CPEB4: variants seen among roughly 807,000 people sequenced by gnomAD.
CPEB4 encodes the protein cytoplasmic polyadenylation element binding protein 4, also known as cytoplasmic polyadenylation element-binding protein 4.
Under a neutral mutation model 72.5 loss-of-function variants are expected in CPEB4, and 12 were observed. The observed-to-expected ratio is 0.17, with a 90% CI of 0.11 to 0.27. The LOEUF is 0.27. Among genes scored for constraint, CPEB4 ranks in the 10% least tolerant of loss-of-function variants. The pLI is 1.00. For synonymous variants in CPEB4, 302 were observed against 326.3 expected (o/e 0.93, Z 0.80); for missense variants, 614 against 908.5 (o/e 0.68, Z 4.17).
intron 3 of CPEB4, among the ~76,000 whole-genome samples, chr5:173,941,988 T>C (rs1193756901): frequency 6.6e-6 from 1 of 152,252 alleles, no homozygotes; most frequent in Non-Finnish European, 1.5e-5. Context: ...GCAGCACCCC[T>C]GCGTGTAACG....
rs1171501624 is a variant in CPEB4 at position 173,955,309 on chromosome 5, G to T, written c.1963-601G>T. Among the ~76,000 whole-genome samples the T allele has an allele frequency of 2.6e-5, 4 of 151,688 alleles. No homozygotes were observed. In the East Asian group the frequency reaches 7.7e-4, roughly 29 times the overall value. Reference sequence around the variant, plus strand: ...TCTTACTGAGAAAGAACAAAGCAGGGTTTTAGACTGTGAATCCTATGGCTG... The same window carrying T: ...TCTTACTGAGAAAGAACAAAGCAGGTTTTTAGACTGTGAATCCTATGGCTG... On this transcript the variant is annotated intron_variant, in intron 9 of 9. Transcript: ENST00000265085. This position sits in a 1 kb window ranked among gnomAD's most constrained non-coding sequence, Gnocchi z 4.7.
chr5:173,930,459 A>G (rs1757406356), intron 2 of CPEB4, among the ~76,000 whole-genome samples: 1 of 152,204 alleles, frequency 6.6e-6, no homozygotes, highest in African/African-American at 2.4e-5. Context: ...TCCAGGCTTT[A>G]GTTAAAAAGT....
rs1755748701 is a variant in CPEB4 at position 173,890,044 on chromosome 5, C to G, written c.311C>G (p.Ala104Gly). The change falls in exon 1 of 10, where the codon GCT becomes GGT. Residue 104 changes from alanine to glycine, a missense_variant. This residue lies in a region of CPEB4 where 458 missense variants were observed against 548.6 expected (regional missense o/e 0.83). Coordinates refer to ENST00000265085, the MANE Select transcript of CPEB4 (RefSeq NM_030627.4). Reference protein sequence around the residue: ...QQLSPSPGQEAGILPETEKAK... With the variant: ...QQLSPSPGQEGGILPETEKAK... ...CTTTCCCCAAGTCCAGGTCAGGAAG[C>G]TGGAATACTGCCTGAAACAGAGAAG... 1 of 1,613,996 alleles carries G rather than the reference C, an allele frequency of 6.2e-7. No homozygotes were observed. Among genetic ancestry groups the G allele is most frequent in the Admixed American group, 1.7e-5 (1 of 59,988 alleles).
intron 1 of CPEB4, among the ~76,000 whole-genome samples, chr5:173,898,599 AAGTC>A (rs1394963882): frequency 1.3e-5 from 2 of 152,266 alleles, no homozygotes; most frequent in South Asian, 2.1e-4. Context: ...CAGAAATATT[AAGTC>A]AAAGTTTTAT....
intron 2 of CPEB4, among the ~76,000 whole-genome samples, chr5:173,931,738 CCCAGTG>C (rs1249153051): frequency 6.6e-6 from 1 of 152,162 alleles, no homozygotes; most frequent in Non-Finnish European, 1.5e-5. Flanking sequence ...ATAGAGAAAT[CCCAGTG>C]CCATTCCCCC....
intron 2 of CPEB4, among the ~76,000 whole-genome samples, chr5:173,931,538 A>C (rs1321841185): frequency 6.6e-6 from 1 of 152,190 alleles, no homozygotes; most frequent in Non-Finnish European, 1.5e-5. Context: ...AGGGTTCTTC[A>C]GTCATTCTTC....
At chr5:173,940,817 A>G in intron 3 of CPEB4, among the ~76,000 whole-genome samples, 1 of 152,194 alleles carries the variant, frequency 6.6e-6, no homozygotes, top group Admixed American at 6.5e-5. Flanking sequence ...AGTTGTAAAC[A>G]TTATTCACTT....
At chr5:173,930,769 A>G (rs1433073162) in intron 2 of CPEB4, among the ~76,000 whole-genome samples, 1 of 152,026 alleles carries the variant, frequency 6.6e-6, no homozygotes, top group Non-Finnish European at 1.5e-5. Flanking sequence ...CAGGTGGATC[A>G]CAAGGTCAGG....
At chr5:173,891,489 T>A (rs1238324141) in intron 1 of CPEB4, 1 of 152,226 alleles carries the variant, frequency 6.6e-6, no homozygotes, top group Non-Finnish European at 1.5e-5. Flanking sequence ...GTTTTCTTCA[T>A]CCCCATTTAT....
intron 2 of CPEB4, among the ~76,000 whole-genome samples, chr5:173,919,214 ACTTTT>A (rs1428217876): frequency 2.6e-5 from 4 of 152,160 alleles, no homozygotes; most frequent in African/African-American, 7.2e-5. Flanking sequence ...ATTAACAAGT[ACTTTT>A]CTTTAATGTT....
rs1158779983 is a variant in CPEB4 at position 173,950,580 on chromosome 5, G to A, written c.1665+502G>A. Among the ~76,000 whole-genome samples the A allele has an allele frequency of 6.6e-6, 1 of 151,740 alleles. No homozygotes were observed. The highest frequency in any genetic ancestry group is 2.4e-5 in the African/African-American group (1 of 41,242). ...AGATTGCACCATTGCACTCCAGCCTGGGTGAAAAGTGAGACTCTGTCTCAA... is the reference window on the plus strand; with the variant it reads ...AGATTGCACCATTGCACTCCAGCCTAGGTGAAAAGTGAGACTCTGTCTCAA... On this transcript the variant is annotated intron_variant, in intron 7 of 9. Coordinates refer to ENST00000265085, the MANE Select transcript of CPEB4 (RefSeq NM_030627.4). The surrounding 1 kb of genome is among the most constrained non-coding windows in gnomAD (Gnocchi z 5.0).
chr5:173,890,644 G>A lies in CPEB4; in HGVS notation c.911G>A (p.Gly304Asp), dbSNP rs779578422. The A allele has an allele frequency of 6.2e-7, 1 of 1,614,032 alleles. No individual in the cohort carries two copies. The highest frequency in any genetic ancestry group is 8.5e-7 in the Non-Finnish European group (1 of 1,180,004). The stretch of plus-strand genomic sequence containing the variant: ...TCCTCTTCCTGGAGCCCGGGCGGTG[G>A]TGGATATGGTGGCTGGGGAGGTTCC... Reference protein sequence around the residue: ...TPSSSWSPGGGGYGGWGGSQG... With the variant: ...TPSSSWSPGGDGYGGWGGSQG... Residue 304 changes from glycine (G) to aspartate (D), a missense_variant, in exon 1 of 10, where the codon GGT (glycine) becomes GAT (aspartate). Coordinates refer to ENST00000265085, the MANE Select transcript of CPEB4 (RefSeq NM_030627.4).
intron 1 of CPEB4, among the ~76,000 whole-genome samples, chr5:173,892,405 A>G (rs1755845877): frequency 6.6e-6 from 1 of 151,976 alleles, no homozygotes; most frequent in Non-Finnish European, 1.5e-5. Flanking sequence ...TGACAATCCC[A>G]TGAAGTCTAT....
chr5:173,897,175 G>A (rs1361450530), intron 1 of CPEB4, among the ~76,000 whole-genome samples: 8 of 152,148 alleles, frequency 5.3e-5, no homozygotes, highest in South Asian at 2.1e-4. Context: ...CAATTTTCTC[G>A]AAGAGAAGTT....
At chr5:173,901,298 A>G (rs111683844) in intron 1 of CPEB4, among the ~76,000 whole-genome samples, 2,255 of 152,324 alleles carry the variant, frequency 0.015, 18 homozygotes, top group Non-Finnish European at 0.02. Flanking sequence ...CACTGAAGAC[A>G]TTCATTCATT....
At chr5:173,938,336 C>T (rs1008929367) in intron 3 of CPEB4, among the ~76,000 whole-genome samples, 3 of 152,168 alleles carry the variant, frequency 2.0e-5, no homozygotes, top group South Asian at 2.1e-4. Context: ...AGCAATTCTC[C>T]TGCCTTAGCC....
At position 173,953,067 on chromosome 5, in the gene CPEB4, C is replaced by A. The variant is rs192559019; in HGVS notation, c.1781-24C>A. 1.3e-4 allele frequency: 203 copies of A among 1,540,800 alleles called. 1 individual carries two copies. The African/African-American group carries it at 2.4e-3, about 18-fold the overall frequency. ...GATGAATTTTCCTGATTTTAAATAT[C>A]CTCCTTGTTCCTTTCTTAATTAGTG... On this transcript the variant is annotated intron_variant, in intron 8 of 9. Transcript: ENST00000265085.
At chr5:173,944,877 A>T in intron 4 of CPEB4, 90 bp from the exon 5 acceptor site, 1 of 1,114,242 alleles carries the variant, frequency 9.0e-7, no homozygotes, top group Non-Finnish European at 1.3e-6. Flanking sequence ...CAGCAGTTTT[A>T]TTGAATCTGC....
At chr5:173,909,709 A>AT (rs1351034563) in intron 1 of CPEB4, among the ~76,000 whole-genome samples, 2 of 152,162 alleles carry the variant, frequency 1.3e-5, no homozygotes, top group African/African-American at 4.8e-5. Context: ...TAAGTATATA[A>AT]TTTATCTTGG....
Sources: allele counts gnomAD v4.1 joint callset (sites outside exome capture counted in the v4.1 genomes callset), GRCh38; gene constraint gnomAD v4.1.1; regional missense constraint gnomAD v4.1.1; non-coding constraint Gnocchi (gnomAD v3.1); transcripts MANE v1.5; gene names NCBI Gene and HGNC (gene_info 2026-07-23, HGNC 2026-07-21).